The following MED12L variants were observed in gnomAD, a reference collection of about 807,000 sequenced individuals.
MED12L encodes the protein mediator of RNA polymerase II transcription subunit 12-like protein.
In MED12L, 60 loss-of-function variants were observed where a neutral mutation model predicts 281.3. The observed-to-expected ratio is 0.21, with a 90% CI of 0.17 to 0.26. The LOEUF (loss-of-function observed/expected upper bound fraction) is 0.26. Ranked by LOEUF, MED12L falls within the 10% of genes least tolerant of loss-of-function variation. The pLI, the probability that MED12L is intolerant of heterozygous loss-of-function variation, is 1.00. For synonymous variants in MED12L, 974 were observed against 987.2 expected (o/e 0.99, Z 0.25); for missense variants, 2,146 against 2,680.9 (o/e 0.80, Z 4.41).
chr3:151,105,292 A>G (rs990344088), intron 2 of MED12L, among the ~76,000 whole-genome samples: 2 of 152,086 alleles, frequency 1.3e-5, no homozygotes, highest in African/African-American at 2.4e-5. Context: ...AAGCTCTCAC[A>G]TCTTAGATCT....
At chr3:151,249,744 G>A (rs1736468626) in intron 16 of MED12L, among the ~76,000 whole-genome samples, 4 of 152,124 alleles carry the variant, frequency 2.6e-5, no homozygotes, top group Middle Eastern at 6.8e-3. Flanking sequence ...TTTCTGTCCT[G>A]GGTTGTTACT....
intron 16 of MED12L, among the ~76,000 whole-genome samples, chr3:151,232,466 A>G (rs1259937203): frequency 2.6e-5 from 4 of 152,236 alleles, no homozygotes; most frequent in South Asian, 2.1e-4. Context: ...AAATCATCCT[A>G]CCATTAAGAC....
In MED12L at chr3:151,287,698, G is replaced by A. The variant is rs890675138; in HGVS notation, c.2251-62361G>A. ...ATCTACTATATAAGGTTCTTGTGGCGATTTAAAGGTTTATTAAAAAGTAAA... is the reference window on the plus strand; with the variant it reads ...ATCTACTATATAAGGTTCTTGTGGCAATTTAAAGGTTTATTAAAAAGTAAA... On this transcript the variant is annotated intron_variant, in intron 16 of 44. Transcript: ENST00000687756. 4.6e-5 allele frequency among the ~76,000 whole-genome samples: 7 copies of A among 152,200 alleles called. No individual in the cohort carries two copies. In the South Asian group the frequency reaches 1.0e-3, roughly 23 times the overall value.
intron 16 of MED12L, among the ~76,000 whole-genome samples, chr3:151,281,767 C>T (rs778180131): frequency 6.6e-6 from 1 of 152,182 alleles, no homozygotes; most frequent in Non-Finnish European, 1.5e-5. Context: ...ACCCCACGTG[C>T]TCACACATTC....
chr3:151,353,334 T>C (rs908776429), intron 17 of MED12L, among the ~76,000 whole-genome samples: 7 of 152,264 alleles, frequency 4.6e-5, no homozygotes, highest in African/African-American at 1.4e-4. Context: ...ATTTTAAACA[T>C]GCTCATGACA....
At chr3:151,125,758 C>T (rs914671183) in intron 4 of MED12L, among the ~76,000 whole-genome samples, 2 of 152,172 alleles carry the variant, frequency 1.3e-5, no homozygotes, top group African/African-American at 4.8e-5. Flanking sequence ...AACCGAGAGC[C>T]TTGTGCTCCA....
chr3:151,086,409 T>G (rs962953073), intron 1 of MED12L: 3 of 151,478 alleles, frequency 2.0e-5, no homozygotes, highest in African/African-American at 4.9e-5. Flanking sequence ...CTCCACAGCT[T>G]CTTCCCGGGA....
At chr3:151,208,909 A>T (rs944864540) in intron 16 of MED12L, among the ~76,000 whole-genome samples, 7 of 152,084 alleles carry the variant, frequency 4.6e-5, no homozygotes, top group African/African-American at 1.7e-4. Flanking sequence ...TGCTGATACC[A>T]TGGGAGTTAA....
At chr3:151,328,447 C>G in intron 16 of MED12L, 1 of 1,613,750 alleles carries the variant, frequency 6.2e-7, no homozygotes. Context: ...GATGCCATTT[C>G]AGCCCCAGAG....
intron 44 of MED12L, among the ~76,000 whole-genome samples, chr3:151,430,895 G>T (rs1324519835): frequency 2.6e-5 from 4 of 150,984 alleles, no homozygotes; most frequent in African/African-American, 4.9e-5. Flanking sequence ...TCGAGACAGT[G>T]TTTTCTCCCT....
At chr3:151,153,400 T>C (rs1245264773) in intron 5 of MED12L, among the ~76,000 whole-genome samples, 1 of 152,110 alleles carries the variant, frequency 6.6e-6, no homozygotes, top group Non-Finnish European at 1.5e-5. Context: ...CTATTTAACA[T>C]CAACAACTAC....
At chr3:151,371,212 C>T (rs1756144314) in intron 26 of MED12L, among the ~76,000 whole-genome samples, 1 of 152,156 alleles carries the variant, frequency 6.6e-6, no homozygotes, top group Non-Finnish European at 1.5e-5. Context: ...ATGCCCTAAC[C>T]AACTCTCAAT....
chr3:151,193,734 C>A, intron 16 of MED12L, 68 bp downstream of exon 16: 1 of 1,332,470 alleles, frequency 7.5e-7, no homozygotes, highest in Non-Finnish European at 1.0e-6. Context: ...TGTTGAACGT[C>A]AGATTATTCA....
intron 5 of MED12L, among the ~76,000 whole-genome samples, chr3:151,142,111 C>G (rs1015624910): frequency 9.9e-5 from 15 of 152,184 alleles, no homozygotes; most frequent in African/African-American, 2.7e-4. Context: ...CTCATTTGGG[C>G]TAGTTTTCTT....
intron 16 of MED12L, chr3:151,338,945 GCCT>G (rs1751423905): frequency 1.7e-6 from 2 of 1,183,270 alleles, no homozygotes; most frequent in Non-Finnish European, 2.5e-6. Flanking sequence ...TTTGGACACA[GCCT>G]CCTCTAAAAG....
intron 17 of MED12L, among the ~76,000 whole-genome samples, chr3:151,352,418 G>C (rs1016050066): frequency 3.3e-5 from 5 of 152,168 alleles, no homozygotes; most frequent in Admixed American, 2.0e-4. Context: ...TAACCAGAAA[G>C]CTGTTAATTT....
At chr3:151,248,444 TTTTC>T (rs1736186754) in intron 16 of MED12L, among the ~76,000 whole-genome samples, 1 of 152,192 alleles carries the variant, frequency 6.6e-6, no homozygotes, top group African/African-American at 2.4e-5. Context: ...CTGGTTTTTG[TTTTC>T]TTTCTTCAGT....
At chr3:151,319,334 A>C (rs1748694875) in intron 16 of MED12L, among the ~76,000 whole-genome samples, 1 of 152,094 alleles carries the variant, frequency 6.6e-6, no homozygotes, top group Non-Finnish European at 1.5e-5. Flanking sequence ...GGGAATCTTC[A>C]TAGCGATAAT....
chr3:151,354,110 C>T (rs1753618225), intron 17 of MED12L, among the ~76,000 whole-genome samples: 1 of 125,532 alleles, frequency 8.0e-6, no homozygotes. Flanking sequence ...CACTGCACTC[C>T]AGCCTGGGCG....
Sources: gnomAD v4.1 joint callset for allele counts (sites outside exome capture counted in the v4.1 genomes callset) on GRCh38, gnomAD v4.1.1 for gene constraint, MANE v1.5 for transcripts, NCBI Gene and HGNC (gene_info 2026-07-23, HGNC 2026-07-21) for gene names.